SGMS2: variants seen among roughly 807,000 people sequenced by gnomAD.
SGMS2 encodes sphingomyelin synthase 2, also known as phosphatidylcholine:ceramide cholinephosphotransferase 2.
In SGMS2, 21 loss-of-function variants were observed where a neutral mutation model predicts 43.8. The ratio of observed to expected loss-of-function variants is 0.48; its 90% CI spans 0.34 to 0.69. The LOEUF (loss-of-function observed/expected upper bound fraction) is 0.69, where lower values mean the gene tolerates loss of function less well. SGMS2 is among the 30% of genes least tolerant of loss of function. SGMS2 has a pLI of 0.01. For missense variants in SGMS2, 384 were observed against 443.2 expected (o/e 0.87, Z 1.20); for synonymous variants, 167 against 160.6 (o/e 1.04, Z -0.30).
At chr4:107,910,214 G>A (rs1440905023) in intron 6 of SGMS2, 136 bp from the exon 7 acceptor site, 6 of 729,838 alleles carry the variant, frequency 8.2e-6, no homozygotes, top group Admixed American at 2.6e-5. Context: ...TTAGGGAAAG[G>A]ACATGAAAAT....
rs551662267 is a variant in SGMS2 at position 107,869,076 on chromosome 4, G to C, written c.-245+10523G>C. On this transcript the variant is annotated intron_variant, in intron 2 of 6. Transcript: ENST00000690982. ...CATGTTGGGCACAAAGCACCCAAGA[G>C]GGGGAGGTTGGTTTCTTAAGAAGCA... is the stretch of plus-strand genomic sequence containing the variant. Among the ~76,000 whole-genome samples, 3 of 152,280 alleles carry C rather than the reference G, an allele frequency of 2.0e-5. No individual in the cohort carries two copies. The East Asian group carries it at 5.8e-4, about 29-fold the overall frequency.
intron 1 of SGMS2, among the ~76,000 whole-genome samples, chr4:107,844,454 C>T (rs1425520405): frequency 6.6e-6 from 1 of 152,128 alleles, no homozygotes; most frequent in Non-Finnish European, 1.5e-5. Flanking sequence ...GTAACCCCAG[C>T]ACTTTGGGAG....
chr4:107,864,275 G>A (rs1204102455), intron 2 of SGMS2: 2 of 152,220 alleles, frequency 1.3e-5, no homozygotes, highest in Middle Eastern at 3.2e-3. Context: ...CAGTTCCTGA[G>A]CAATGTTTTG....
Position 107,910,757 on chromosome 4 carries a change from T to C in SGMS2, c.*204T>C. On this transcript the variant is annotated 3_prime_UTR_variant, in exon 7 of 7. Transcript: ENST00000690982. ...TGAGAAAGATACATTCTCTTGCAGC[T>C]CTTCATTCATTGGTGACAAGCCCCC... 1.8e-6 allele frequency: 1 copy of C among 542,254 alleles called. No homozygotes were observed. Among genetic ancestry groups the C allele is most frequent in the Non-Finnish European group, 3.2e-6 (1 of 310,518 alleles). The allele number at this position is 542,254 out of a possible 1,614,324, so 33.6% of individuals were successfully genotyped here. A position where few individuals can be genotyped will look rare whatever the true frequency, so the allele number is the denominator to read the frequency against.
At chr4:107,825,683 C>G (rs1190724562) in intron 1 of SGMS2, among the ~76,000 whole-genome samples, 1 of 146,360 alleles carries the variant, frequency 6.8e-6, no homozygotes, top group Non-Finnish European at 1.5e-5. Flanking sequence ...AACAGCCCAG[C>G]TCTGGGCAGC....
chr4:107,833,663 A>C (rs368011790), intron 1 of SGMS2, among the ~76,000 whole-genome samples: 1 of 152,150 alleles, frequency 6.6e-6, no homozygotes. Flanking sequence ...AATCCAAAAG[A>C]CTTCTGGTCC....
rs1282307307 is a variant in SGMS2 at position 107,832,223 on chromosome 4, A to G, written c.-327+6970A>G. ...TAGTGTAATATACCAGTTCTTCTGC[A>G]TGAATGTCATTGAATATATTTACGT... On this transcript the variant is annotated intron_variant, in intron 1 of 6. Transcript: ENST00000690982. Among the ~76,000 whole-genome samples the G allele has an allele frequency of 2.6e-5, 4 of 152,216 alleles. No homozygotes were observed. The East Asian group carries it at 5.8e-4, about 22-fold the overall frequency.
At position 107,895,605 on chromosome 4, in the gene SGMS2, A is replaced by G; in HGVS notation, c.52A>G (p.Ser18Gly). The G allele has an allele frequency of 6.2e-7, 1 of 1,613,982 alleles. No individual in the cohort carries two copies. The highest frequency in any genetic ancestry group is 1.3e-5 in the African/African-American group (1 of 75,040). The change falls in exon 3 of 7, where the codon AGT becomes GGT. Residue 18 changes from serine (S) to glycine (G), a missense_variant. Coordinates refer to ENST00000690982, the MANE Select transcript of SGMS2 (RefSeq NM_001375905.1). ...TGAAGAACATTTGGAAAATCAACCC[A>G]GTGATCCTACGAACACTTATGCAAG... is the stretch of plus-strand genomic sequence containing the variant. The part of the protein sequence containing the change: ...KLEEHLENQP[S>G]DPTNTYARPA...
At chr4:107,875,178 A>G (rs1728817095) in intron 2 of SGMS2, among the ~76,000 whole-genome samples, 1 of 152,202 alleles carries the variant, frequency 6.6e-6, no homozygotes, top group Non-Finnish European at 1.5e-5. Context: ...CCCTGCATAA[A>G]TCGTTCTGTT....
At chr4:107,899,435 A>C (rs1356966363) in intron 3 of SGMS2, 140 bp from the exon 4 acceptor site, 1 of 588,668 alleles carries the variant, frequency 1.7e-6, no homozygotes, top group Admixed American at 3.1e-5. Context: ...TAAGCCTTTA[A>C]ACTCTGTGAA....
intron 1 of SGMS2, among the ~76,000 whole-genome samples, chr4:107,857,753 TTAG>T (rs1038355790): frequency 7.9e-5 from 12 of 152,278 alleles, no homozygotes; most frequent in South Asian, 2.1e-4. Context: ...CTTCCACCAT[TTAG>T]TAGAAGGTGA....
At chr4:107,888,268 T>C (rs1026405832) in intron 2 of SGMS2, among the ~76,000 whole-genome samples, 7 of 152,138 alleles carry the variant, frequency 4.6e-5, no homozygotes, top group African/African-American at 1.7e-4. Context: ...CAAAGGCCTG[T>C]AACTTAATGT....
At position 107,912,182 on chromosome 4, in the gene SGMS2, A is replaced by G. The variant is rs546887744; in HGVS notation, c.*1629A>G. On this transcript the variant is annotated 3_prime_UTR_variant, in exon 7 of 7. Coordinates refer to ENST00000690982, the MANE Select transcript of SGMS2 (RefSeq NM_001375905.1). ...AGGGTCAACATCCTTTGGTGCTAAA[A>G]TCTTGTGTATGTTTTCAGAATGGCT... The G allele has an allele frequency of 6.6e-6, 1 of 152,296 alleles. No individual in the cohort carries two copies. Among genetic ancestry groups the G allele is most frequent in the African/African-American group, 2.4e-5 (1 of 41,566 alleles). The allele number at this position is 152,296 out of a possible 1,614,324, so 9.4% of individuals were successfully genotyped here.
At chr4:107,840,336 G>A (rs909142494) in intron 1 of SGMS2, among the ~76,000 whole-genome samples, 7 of 152,300 alleles carry the variant, frequency 4.6e-5, no homozygotes, top group South Asian at 2.1e-4. Flanking sequence ...CTAACTGGGC[G>A]AGGGCTGTTT....
At chr4:107,832,964 G>C (rs1210784919) in intron 1 of SGMS2, among the ~76,000 whole-genome samples, 1 of 152,168 alleles carries the variant, frequency 6.6e-6, no homozygotes, top group Non-Finnish European at 1.5e-5. Context: ...GGAGGCTGAG[G>C]CTGCAGTGAG....
intron 2 of SGMS2, among the ~76,000 whole-genome samples, chr4:107,861,632 G>T (rs759224093): frequency 7.9e-5 from 12 of 152,122 alleles, no homozygotes; most frequent in Admixed American, 2.0e-4. Flanking sequence ...TGGAATTCAA[G>T]AATTTTTTAA....
At chr4:107,826,147 G>C (rs1381665262) in intron 1 of SGMS2, among the ~76,000 whole-genome samples, 1 of 152,136 alleles carries the variant, frequency 6.6e-6, no homozygotes, top group African/African-American at 2.4e-5. Context: ...GATTAAATAA[G>C]GATTAATAAT....
chr4:107,897,205 G>C (rs1007291468), intron 3 of SGMS2, among the ~76,000 whole-genome samples: 4 of 152,182 alleles, frequency 2.6e-5, no homozygotes, highest in African/African-American at 9.6e-5. Flanking sequence ...ATGCAACTTT[G>C]CAGTCTTAAA....
rs750972076 is a variant in SGMS2, at chr4:107,895,955, T to A, written c.402T>A (p.Asn134Lys). The change falls in exon 3 of 7, where the codon AAT (asparagine) becomes AAA (lysine). Residue 134 changes from asparagine (N) to lysine (K), a missense_variant. Coordinates refer to ENST00000690982, the MANE Select transcript of SGMS2 (RefSeq NM_001375905.1). The part of the protein sequence containing the change: ...VKWAFSVSEI[N>K]GIILVGLWIT... The stretch of plus-strand genomic sequence containing the variant: ...GGGCATTTTCTGTATCAGAAATAAA[T>A]GGGATTATATTAGTTGGATTATGGA... The A allele has an allele frequency of 4.3e-6, 7 of 1,613,948 alleles. No individual in the cohort carries two copies. In the South Asian group the frequency reaches 6.6e-5, roughly 15 times the overall value.
Sources: allele counts gnomAD v4.1 joint callset (sites outside exome capture counted in the v4.1 genomes callset), GRCh38; gene constraint gnomAD v4.1.1; transcripts MANE v1.5; gene names NCBI Gene and HGNC (gene_info 2026-07-23, HGNC 2026-07-21).